STK32B: variants seen among roughly 807,000 people sequenced by gnomAD.
STK32B encodes serine/threonine kinase 32B.
A neutral mutation model predicts 52.6 loss-of-function variants in STK32B; 43 were observed. The observed-to-expected ratio is 0.82, with a 90% CI of 0.64 to 1.05. STK32B has a LOEUF of 1.05. STK32B is among the 50% of genes least tolerant of loss of function. STK32B has a pLI of 0.00. For synonymous variants in STK32B, 238 were observed against 204.3 expected (o/e 1.17, Z -1.41); for missense variants, 621 against 534.6 (o/e 1.16, Z -1.59).
intron 1 of STK32B, among the ~76,000 whole-genome samples, chr4:5,129,226 T>G (rs1050971349): frequency 1.2e-4 from 19 of 152,306 alleles, no homozygotes; most frequent in African/African-American, 4.6e-4. Context: ...GGAGAGACAT[T>G]CATTTTATTT....
At chr4:5,414,587 C>T (rs879681413) in intron 5 of STK32B, among the ~76,000 whole-genome samples, 1 of 152,172 alleles carries the variant, frequency 6.6e-6, no homozygotes, top group Admixed American at 6.5e-5. Context: ...CTTAGGCACA[C>T]TCCATGATAC....
At chr4:5,346,384 G>A (rs1415239467) in intron 4 of STK32B, among the ~76,000 whole-genome samples, 2 of 152,200 alleles carry the variant, frequency 1.3e-5, no homozygotes, top group African/African-American at 2.4e-5. Context: ...GCCTTGGGCA[G>A]TATCCCACCC....
chr4:5,275,255 C>G (rs1727737460), intron 3 of STK32B, among the ~76,000 whole-genome samples: 1 of 152,290 alleles, frequency 6.6e-6, no homozygotes, highest in East Asian at 1.9e-4. Context: ...TAGTTACATC[C>G]TGTCTGGCCT....
At chr4:5,154,184 A>G (rs1045305590) in intron 2 of STK32B, among the ~76,000 whole-genome samples, 1 of 149,342 alleles carries the variant, frequency 6.7e-6, no homozygotes, top group South Asian at 2.1e-4. Context: ...CTATGGCTGG[A>G]TGGCCTTTTT....
chr4:5,328,748 TTACTGGA>T (rs887169452), intron 3 of STK32B, among the ~76,000 whole-genome samples: 1 of 152,208 alleles, frequency 6.6e-6, no homozygotes, highest in African/African-American at 2.4e-5. Flanking sequence ...ACTGATAGAC[TTACTGGA>T]GGCAGGGTTG....
At chr4:5,235,589 A>G (rs1156861645) in intron 3 of STK32B, among the ~76,000 whole-genome samples, 1 of 152,228 alleles carries the variant, frequency 6.6e-6, no homozygotes, top group African/African-American at 2.4e-5. Flanking sequence ...TATATCAGAA[A>G]TGTGCCTATC....
At chr4:5,188,467 C>G (rs180766386) in intron 3 of STK32B, among the ~76,000 whole-genome samples, 1 of 152,136 alleles carries the variant, frequency 6.6e-6, no homozygotes. Context: ...CACCTCCCAC[C>G]CCTGCTAGGT....
intron 6 of STK32B, among the ~76,000 whole-genome samples, chr4:5,439,722 T>C (rs562318947): frequency 6.6e-6 from 1 of 152,318 alleles, no homozygotes; most frequent in African/African-American, 2.4e-5. Flanking sequence ...TCTTCTAGGG[T>C]TTATATGGTT....
intron 3 of STK32B, among the ~76,000 whole-genome samples, chr4:5,213,670 TC>T (rs1723027706): frequency 6.6e-6 from 1 of 152,188 alleles, no homozygotes; most frequent in African/African-American, 2.4e-5. Context: ...CACAAATACT[TC>T]CTTCTTAGCG....
chr4:5,433,779 A>G (rs751653188), intron 6 of STK32B, among the ~76,000 whole-genome samples: 25 of 152,328 alleles, frequency 1.6e-4, no homozygotes, highest in South Asian at 4.1e-4. Context: ...AGCTCACTGC[A>G]GCAGGCTAAT....
intron 1 of STK32B, among the ~76,000 whole-genome samples, chr4:5,069,215 T>C (rs1281808614): frequency 7.5e-6 from 1 of 132,852 alleles, no homozygotes; most frequent in Non-Finnish European, 1.6e-5. Flanking sequence ...TTTTTTGAGA[T>C]GGAGTCTCGC....
At chr4:5,411,658 GT>G (rs1428893412) in intron 5 of STK32B, among the ~76,000 whole-genome samples, 16 of 152,256 alleles carry the variant, frequency 1.1e-4, no homozygotes, top group African/African-American at 3.9e-4. Context: ...CCTGGAACCA[GT>G]TCCCCATGTG....
chr4:5,348,710 A>AC (rs1324041055), intron 4 of STK32B, among the ~76,000 whole-genome samples: 1 of 152,090 alleles, frequency 6.6e-6, no homozygotes, highest in Admixed American at 6.6e-5. Flanking sequence ...TGAGCATTCC[A>AC]CCAGAGGCCT....
At position 5,061,443 on chromosome 4, in the gene STK32B, G is replaced by C. The variant is rs116169681; in HGVS notation, c.52+9528G>C. Among the ~76,000 whole-genome samples, 205 of 152,180 alleles carry C rather than the reference G, an allele frequency of 1.3e-3. 2 individuals carry two copies. The highest frequency in any genetic ancestry group is 4.7e-3 in the African/African-American group (196 of 41,542). On this transcript the variant is annotated intron_variant, in intron 1 of 11. Coordinates refer to ENST00000282908, the MANE Select transcript of STK32B (RefSeq NM_018401.3). ...GGTATGTTTGATAACTCCATTATTT[G>C]GTAACCCTGTGGGTCTATTTCCATT...
chr4:5,493,986 G>A (rs1355889170), intron 11 of STK32B, among the ~76,000 whole-genome samples: 3 of 152,240 alleles, frequency 2.0e-5, no homozygotes, highest in Non-Finnish European at 4.4e-5. Context: ...GCTGAGGAGA[G>A]CTTTACTTCC....
rs560088150 is a variant in STK32B at position 5,146,359 on chromosome 4, G to T, written c.108+6399G>T. ...GCCTGAGAGCCCCTGGCAAACCACT[G>T]GTGTAAGTCCAAGAATCCAAAAGCC... On this transcript the variant is annotated intron_variant, in intron 2 of 11. Coordinates refer to ENST00000282908, the MANE Select transcript of STK32B (RefSeq NM_018401.3). Among the ~76,000 whole-genome samples the T allele has an allele frequency of 9.9e-5, 15 of 152,230 alleles. No homozygotes were observed. In the South Asian group the frequency reaches 3.1e-3, roughly 32 times the overall value.
the STK32B span, among the ~76,000 whole-genome samples, chr4:5,040,417 C>T: frequency 9.1e-4 from 110 of 121,188 alleles, no homozygotes; most frequent in Admixed American, 1.8e-3. Flanking sequence ...TTTTTTGAGA[C>T]GAAGTCTCGC....
At chr4:5,397,547 T>G (rs893996118) in intron 4 of STK32B, among the ~76,000 whole-genome samples, 2 of 152,234 alleles carry the variant, frequency 1.3e-5, no homozygotes, top group African/African-American at 4.8e-5. Flanking sequence ...ATGTTACCCT[T>G]AAAAGAGGTC....
intron 1 of STK32B, among the ~76,000 whole-genome samples, chr4:5,092,289 C>A (rs974929468): frequency 6.6e-6 from 1 of 152,106 alleles, no homozygotes; most frequent in South Asian, 2.1e-4. Context: ...CCCAGCACTT[C>A]GGGAGGCCGA....
Sources: allele counts gnomAD v4.1 joint callset (sites outside exome capture counted in the v4.1 genomes callset), GRCh38; gene constraint gnomAD v4.1.1; transcripts MANE v1.5; gene names NCBI Gene and HGNC (gene_info 2026-07-23, HGNC 2026-07-21).